The following BLM variants were observed in gnomAD, a reference collection of about 807,000 sequenced individuals.
BLM encodes the protein recQ-like DNA helicase BLM.
In BLM, 95 loss-of-function variants were observed where a neutral mutation model predicts 135.3. The observed-to-expected ratio is 0.70, with a 90% CI of 0.59 to 0.83. The LOEUF (loss-of-function observed/expected upper bound fraction) is 0.83, where lower values mean the gene tolerates loss of function less well. Among genes scored for constraint, BLM ranks in the 40% least tolerant of loss-of-function variants. BLM has a pLI of 0.00. For missense variants in BLM, 1,518 were observed against 1,663.9 expected (o/e 0.91, Z 1.53); for synonymous variants, 520 against 589.2 (o/e 0.88, Z 1.70).
chr15:90,773,651 C>A (rs1024534456), intron 12 of BLM, among the ~76,000 whole-genome samples: 2 of 150,974 alleles, frequency 1.3e-5, no homozygotes, highest in Admixed American at 1.3e-4. Flanking sequence ...TTTCCCCATT[C>A]TTAGGCAACC....
At chr15:90,740,010 C>T (rs1895323159) in intron 1 of BLM, among the ~76,000 whole-genome samples, 1 of 152,176 alleles carries the variant, frequency 6.6e-6, no homozygotes, top group Non-Finnish European at 1.5e-5. Flanking sequence ...AGCGATCCCC[C>T]CGCCTCAGCC....
At chr15:90,747,949 A>G (rs1895550488) in intron 2 of BLM, among the ~76,000 whole-genome samples, 1 of 151,902 alleles carries the variant, frequency 6.6e-6, no homozygotes, top group Non-Finnish European at 1.5e-5. Context: ...CTGGGACTAC[A>G]GGCACCTGCC....
chr15:90,740,522 A>G (rs1895336719), intron 1 of BLM, among the ~76,000 whole-genome samples: 1 of 152,184 alleles, frequency 6.6e-6, no homozygotes, highest in South Asian at 2.1e-4. Flanking sequence ...GGCTATTGTG[A>G]ATAATGCTCC....
At chr15:90,735,236 AATATATAT>A (rs60589046) in intron 1 of BLM, among the ~76,000 whole-genome samples, 5,781 of 108,164 alleles carry the variant, frequency 0.053, 391 homozygotes, top group African/African-American at 0.16. Context: ...TGCCTAAGTT[AATATATAT>A]ATATATATAT....
At chr15:90,769,353 A>G in intron 11 of BLM, 85 bp from the exon 12 acceptor site, 2 of 1,562,972 alleles carry the variant, frequency 1.3e-6, no homozygotes, top group Non-Finnish European at 1.8e-6. Context: ...AGAATAAGGT[A>G]GTTCTTAATA....
At chr15:90,813,373 C>G (rs1273247907) in intron 21 of BLM, among the ~76,000 whole-genome samples, 1 of 152,086 alleles carries the variant, frequency 6.6e-6, no homozygotes, top group Non-Finnish European at 1.5e-5. Context: ...TTTCAGTGAG[C>G]CTGGGTGTTT....
At chr15:90,734,712 G>C (rs1231872356) in intron 1 of BLM, among the ~76,000 whole-genome samples, 1 of 151,734 alleles carries the variant, frequency 6.6e-6, no homozygotes, top group African/African-American at 2.4e-5. Context: ...GAGAGAGAGA[G>C]AGAGAGAGAG....
rs1306187879 is a variant in BLM at position 90,798,205 on chromosome 15, G to A, written c.3226G>A (p.Asp1076Asn). The change falls in exon 17 of 22, where the codon GAT becomes AAT. Residue 1076 changes from aspartate to asparagine, a missense_variant. Physicochemically the swap from Asp to Asn is conservative, Grantham distance 23 (BLOSUM62 1). This residue lies in a region of BLM where 626 missense variants were observed against 681.1 expected (regional missense o/e 0.92). Transcript: ENST00000355112. ...TTATTCATAGGATTATAAAACAAGA[G>A]ATGTGACTGACGATGTGAAAAGTAT... ...CCKTKDYKTR[D>N]VTDDVKSIVR... 4 of 1,606,884 alleles carry A rather than the reference G, an allele frequency of 2.5e-6. No individual in the cohort carries two copies. The highest frequency in any genetic ancestry group is 3.4e-6 in the Non-Finnish European group (4 of 1,174,380).
chr15:90,797,836 C>T (rs943358985), intron 16 of BLM, among the ~76,000 whole-genome samples: 3 of 152,166 alleles, frequency 2.0e-5, no homozygotes, highest in Non-Finnish European at 4.4e-5. Context: ...CGTGGATTTA[C>T]GTGGCACCCC....
intron 1 of BLM, among the ~76,000 whole-genome samples, chr15:90,742,274 C>G (rs1895383850): frequency 6.6e-6 from 1 of 151,008 alleles, no homozygotes; most frequent in African/African-American, 2.5e-5. Context: ...AGTAACTCCT[C>G]CCCTTTGAAC....
At chr15:90,808,832 A>G in intron 19 of BLM, 1 of 458,408 alleles carries the variant, frequency 2.2e-6, no homozygotes, top group Middle Eastern at 6.5e-4. Context: ...ACAGTGGGCA[A>G]GAGCAGATCT....
At chr15:90,747,559 C>G in intron 2 of BLM, 69 bp downstream of exon 2, 1 of 936,932 alleles carries the variant, frequency 1.1e-6, no homozygotes, top group Non-Finnish European at 1.7e-6. Flanking sequence ...GAGATATCTT[C>G]TCTTTAAACT....
intron 1 of BLM, among the ~76,000 whole-genome samples, chr15:90,740,926 T>TAA (rs746438073): frequency 1.3e-5 from 2 of 152,198 alleles, no homozygotes; most frequent in Admixed American, 6.5e-5. Flanking sequence ...TTTTTCTTTA[T>TAA]AAATTACCCA....
intron 12 of BLM, among the ~76,000 whole-genome samples, chr15:90,773,663 C>T (rs1037977320): frequency 6.6e-6 from 1 of 152,100 alleles, no homozygotes; most frequent in Non-Finnish European, 1.5e-5. Flanking sequence ...TAGGCAACCC[C>T]TCATCTACTT....
chr15:90,813,611 A>T (rs1322086370), intron 21 of BLM, among the ~76,000 whole-genome samples: 1 of 152,156 alleles, frequency 6.6e-6, no homozygotes, highest in South Asian at 2.1e-4. Flanking sequence ...CTGGTCTCGA[A>T]CTCCTGACCC....
chr15:90,786,336 G>C (rs72751852), intron 14 of BLM, among the ~76,000 whole-genome samples: 2 of 152,048 alleles, frequency 1.3e-5, no homozygotes, highest in Non-Finnish European at 2.9e-5. Context: ...GAGCATTCAC[G>C]TACAAGTTTT....
In BLM at chr15:90,807,336, G is replaced by A. The variant is rs1274523868; in HGVS notation, c.3752-1801G>A. On this transcript the variant is annotated intron_variant, in intron 19 of 21. Transcript: ENST00000355112. ...ACGTAAAGCACTTGGTTGTACTTGC[G>A]AGAAACTATGGAATTGGGGGCCTGT... Among the ~76,000 whole-genome samples, 7 of 152,290 alleles carry A rather than the reference G, an allele frequency of 4.6e-5. No homozygotes were observed. In the East Asian group the frequency reaches 1.2e-3, roughly 25 times the overall value.
intron 10 of BLM, among the ~76,000 whole-genome samples, chr15:90,768,290 A>G (rs1896194485): frequency 6.6e-6 from 1 of 152,110 alleles, no homozygotes. Context: ...AATTTATTCA[A>G]TGAGTTACAT....
Position 90,807,816 on chromosome 15 carries a change from A to T in BLM, c.3752-1321A>T, listed in dbSNP as rs916305030. On this transcript the variant is annotated intron_variant, in intron 19 of 21. Transcript: ENST00000355112. ...AGTATAGTCTTTTTGAAGACATGTC[A>T]TGGCAGTTAGACTCAATACATGAGG... 2.6e-5 allele frequency among the ~76,000 whole-genome samples: 4 copies of T among 152,228 alleles called. No individual in the cohort carries two copies. In the East Asian group the frequency reaches 5.8e-4, roughly 22 times the overall value.
Sources: gnomAD v4.1 joint callset for allele counts (sites outside exome capture counted in the v4.1 genomes callset) on GRCh38, gnomAD v4.1.1 for gene constraint, gnomAD v4.1.1 regional missense constraint, MANE v1.5 for transcripts, NCBI Gene and HGNC (gene_info 2026-07-23, HGNC 2026-07-21) for gene names.